DAB1: variants seen among roughly 807,000 people sequenced by gnomAD.
DAB1 encodes the protein DAB adaptor protein 1.
In DAB1, 15 loss-of-function variants were observed where a neutral mutation model predicts 64.6. That is an observed-to-expected ratio of 0.23 (90% CI 0.16 to 0.36). The LOEUF is 0.36. Among genes scored for constraint, DAB1 ranks in the 10% least tolerant of loss-of-function variants. The pLI is 1.00. For synonymous variants in DAB1, 235 were observed against 251.9 expected (o/e 0.93, Z 0.64); for missense variants, 596 against 706.7 (o/e 0.84, Z 1.78).
chr1:57,177,516 C>T (rs564747546), intron 2 of DAB1, among the ~76,000 whole-genome samples: 1 of 152,222 alleles, frequency 6.6e-6, no homozygotes, highest in East Asian at 1.9e-4. Context: ...GGCACTGAAG[C>T]CATAATAAAA....
intron 7 of DAB1, among the ~76,000 whole-genome samples, chr1:57,461,943 CTTTTTT>C (rs545743407): frequency 2.0e-5 from 2 of 100,342 alleles, no homozygotes; most frequent in South Asian, 3.9e-4. Flanking sequence ...AAGATATACT[CTTTTTT>C]TTTTTTTTTT....
At chr1:57,537,943 G>C (rs1040874745) in intron 7 of DAB1, among the ~76,000 whole-genome samples, 3 of 152,026 alleles carry the variant, frequency 2.0e-5, no homozygotes, top group Non-Finnish European at 2.9e-5. Context: ...GAGAAGGCTA[G>C]GGGGGCATGC....
intron 5 of DAB1, among the ~76,000 whole-genome samples, chr1:58,126,060 C>G (rs1017601070): frequency 6.6e-6 from 1 of 152,186 alleles, no homozygotes; most frequent in Non-Finnish European, 1.5e-5. Context: ...CTTCCACCCT[C>G]TAACATTCTG....
intron 7 of DAB1, among the ~76,000 whole-genome samples, chr1:57,613,823 C>T (rs116194064): frequency 9.9e-4 from 150 of 152,196 alleles, no homozygotes; most frequent in African/African-American, 3.3e-3. Context: ...GCCTTGGAGT[C>T]GGAGAGACCT....
intron 5 of DAB1, among the ~76,000 whole-genome samples, chr1:57,952,155 A>C (rs568705741): frequency 1.3e-5 from 2 of 152,148 alleles, no homozygotes; most frequent in South Asian, 2.1e-4. Flanking sequence ...CCACATGAAT[A>C]AGTTCTGAAC....
chr1:57,180,406 G>A (rs1662790121), intron 2 of DAB1, among the ~76,000 whole-genome samples: 1 of 152,210 alleles, frequency 6.6e-6, no homozygotes, highest in Admixed American at 6.5e-5. Context: ...CATTGTTAAT[G>A]TTTAATGTTT....
intron 2 of DAB1, among the ~76,000 whole-genome samples, chr1:57,205,194 A>G (rs1446696526): frequency 1.3e-5 from 2 of 152,200 alleles, no homozygotes; most frequent in African/African-American, 2.4e-5. Flanking sequence ...CCTGAGACCA[A>G]TCTAATGAGA....
chr1:57,986,428 C>A (rs1281736004), intron 5 of DAB1, among the ~76,000 whole-genome samples: 4 of 152,142 alleles, frequency 2.6e-5, no homozygotes, highest in African/African-American at 9.7e-5. Flanking sequence ...CAGGCCCTGA[C>A]AAGACACTGA....
chr1:57,609,884 G>T lies in DAB1; in HGVS notation n.625+39708C>A, dbSNP rs1645705134. On this transcript the variant is annotated intron_variant and non_coding_transcript_variant, in intron 7 of 20. Transcript: ENST00000485760. ...ATTTATGATCACTTTGTTTGAGACA[G>T]TCCTGTTGTATTTAAAAAATAACAT... Among the ~76,000 whole-genome samples, 3 of 152,156 alleles carry T rather than the reference G, an allele frequency of 2.0e-5. No homozygotes were observed. In the South Asian group the frequency reaches 6.2e-4, roughly 32 times the overall value.
chr1:57,968,025 T>C (rs556754396), intron 5 of DAB1, among the ~76,000 whole-genome samples: 1 of 152,306 alleles, frequency 6.6e-6, no homozygotes, highest in South Asian at 2.1e-4. Flanking sequence ...ATATAAATGA[T>C]ATTTTATTCT....
At chr1:57,790,510 C>A (rs549050927) in intron 6 of DAB1, among the ~76,000 whole-genome samples, 28 of 152,162 alleles carry the variant, frequency 1.8e-4, no homozygotes, top group Non-Finnish European at 3.2e-4. Flanking sequence ...ACTAATACAT[C>A]CTCCAACCCC....
intron 1 of DAB1, among the ~76,000 whole-genome samples, chr1:57,370,809 T>A (rs1355839376): frequency 6.6e-6 from 1 of 152,190 alleles, no homozygotes; most frequent in African/African-American, 2.4e-5. Context: ...CTTGTAAATA[T>A]TTTTTATGGT....
At chr1:57,028,213 T>C (rs1022073116) in intron 9 of DAB1, among the ~76,000 whole-genome samples, 2 of 152,186 alleles carry the variant, frequency 1.3e-5, no homozygotes, top group African/African-American at 4.8e-5. Context: ...CATTCTGTTC[T>C]CATGATAGTG....
intron 4 of DAB1, among the ~76,000 whole-genome samples, chr1:57,100,495 C>T (rs1046058052): frequency 2.0e-5 from 3 of 152,116 alleles, no homozygotes; most frequent in African/African-American, 4.8e-5. Context: ...TAATGATAAT[C>T]GATGAGGAAT....
At chr1:57,314,782 A>C (rs1675049645) in intron 1 of DAB1, among the ~76,000 whole-genome samples, 1 of 151,738 alleles carries the variant, frequency 6.6e-6, no homozygotes, top group South Asian at 2.1e-4. Flanking sequence ...ACACACACAC[A>C]CACAAAGAAA....
At position 58,352,481 on chromosome 1, in the gene DAB1, G is replaced by C. The variant is rs566805762; in HGVS notation, n.258-9078C>G. Reference sequence around the variant, plus strand: ...CATGTATCTAACATTTGTAGAGAAAGGGACCACCATTTAGGGATGAGTAAA... The same window carrying C: ...CATGTATCTAACATTTGTAGAGAAACGGACCACCATTTAGGGATGAGTAAA... On this transcript the variant is annotated intron_variant and non_coding_transcript_variant, in intron 3 of 20. Coordinates refer to the DAB1 transcript ENST00000485760. 1.8e-3 allele frequency among the ~76,000 whole-genome samples: 273 copies of C among 152,266 alleles called. 1 individual carries two copies. The highest frequency in any genetic ancestry group is 6.2e-3 in the African/African-American group (258 of 41,564).
At chr1:58,322,584 G>GA (rs374212833) in intron 4 of DAB1, among the ~76,000 whole-genome samples, 8,965 of 152,200 alleles carry the variant, frequency 0.059, 907 homozygotes, top group African/African-American at 0.21. Flanking sequence ...AAAAAGTCAG[G>GA]AAACAACAGG....
intron 4 of DAB1, among the ~76,000 whole-genome samples, chr1:57,096,060 A>G (rs1156974582): frequency 1.3e-5 from 2 of 152,130 alleles, no homozygotes; most frequent in Non-Finnish European, 2.9e-5. Flanking sequence ...ACTTTGATGC[A>G]TTTTCTCATT....
chr1:57,869,874 T>C (rs1362231931), intron 1 of DAB1, among the ~76,000 whole-genome samples: 3 of 152,134 alleles, frequency 2.0e-5, no homozygotes, highest in Admixed American at 2.0e-4. Context: ...ATCATAACTA[T>C]CATAACATGT....
Sources: gnomAD v4.1 joint callset for allele counts (sites outside exome capture counted in the v4.1 genomes callset) on GRCh38, gnomAD v4.1.1 for gene constraint, MANE v1.5 for transcripts, NCBI Gene and HGNC (gene_info 2026-07-23, HGNC 2026-07-21) for gene names.